Variants in DPH5 observed in about 807,000 individuals in gnomAD.
The protein encoded by DPH5 is diphthamide biosynthesis 5.
DPH5 carries 31 observed loss-of-function variants against 31.6 expected under a neutral mutation model. That is an observed-to-expected ratio of 0.98 (90% confidence interval 0.74 to 1.32). DPH5 has a LOEUF of 1.32. Ranked by LOEUF, DPH5 falls within the 40% of genes most tolerant of loss-of-function variation. The pLI, the probability that DPH5 is intolerant of heterozygous loss-of-function variation, is 0.00. For missense variants in DPH5, 309 were observed against 335.7 expected (o/e 0.92, Z 0.62); for synonymous variants, 120 against 115.0 (o/e 1.04, Z -0.28).
chr1:101,014,184 A>G (rs1042170810), intron 3 of DPH5, among the ~76,000 whole-genome samples: 4 of 152,220 alleles, frequency 2.6e-5, no homozygotes, highest in Non-Finnish European at 4.4e-5. Flanking sequence ...GCCCTTTTAA[A>G]TTCTTAAAAT....
chr1:101,001,559 A>G lies in DPH5; in HGVS notation c.398T>C (p.Ile133Thr). ...TCTCCAAGTGTCTGTCCAAAAAACA[A>G]TAGAAACTGTCTCTCCAAACTTATA... ...QLYKFGETVS[I>T]VFWTDTWRPE... The change falls in exon 5 of 8, where the codon ATT becomes ACT. Residue 133 changes from isoleucine to threonine, a missense_variant. By Grantham distance (89) the Ile-to-Thr change is moderately conservative. Coordinates refer to ENST00000370109, the MANE Select transcript of DPH5 (RefSeq NM_015958.3). The G allele has an allele frequency of 6.2e-7, 1 of 1,602,274 alleles. No individual in the cohort carries two copies. The highest frequency in any genetic ancestry group is 8.5e-7 in the Non-Finnish European group (1 of 1,169,756).
At position 100,990,298 on chromosome 1, in the gene DPH5, G is replaced by A. The variant is rs1657547485; in HGVS notation, c.*110C>T. 7.1e-6 allele frequency: 7 copies of A among 992,708 alleles called. No individual in the cohort carries two copies. The South Asian group carries it at 8.9e-5, about 13-fold the overall frequency. 61.5% of individuals were successfully genotyped at this position (992,708 alleles called of 1,614,324 possible). On this transcript the variant is annotated 3_prime_UTR_variant, in exon 8 of 8. Transcript: ENST00000370109. ...GATTCAATTACCTACCACAACACCTGGGAATTATGAGGATTAAAATTCAAG... is the reference window on the plus strand; with the variant it reads ...GATTCAATTACCTACCACAACACCTAGGAATTATGAGGATTAAAATTCAAG...
intron 4 of DPH5, among the ~76,000 whole-genome samples, chr1:101,008,991 C>G (rs1329193610): frequency 1.3e-5 from 2 of 152,166 alleles, no homozygotes; most frequent in African/African-American, 4.8e-5. Flanking sequence ...CCATTAATTA[C>G]TTTCTGTCTC....
chr1:101,007,164 T>C (rs978608794), intron 4 of DPH5, among the ~76,000 whole-genome samples: 1 of 152,206 alleles, frequency 6.6e-6, no homozygotes, highest in Non-Finnish European at 1.5e-5. Context: ...AATATACACA[T>C]ACTAAGTGTT....
At chr1:100,995,746 C>T (rs375339815) in intron 5 of DPH5, 1 of 152,322 alleles carries the variant, frequency 6.6e-6, no homozygotes, top group South Asian at 2.1e-4. Flanking sequence ...CCAAGCATCA[C>T]AAATATTTGA....
At chr1:101,007,272 A>G (rs1177831689) in intron 4 of DPH5, among the ~76,000 whole-genome samples, 1 of 152,218 alleles carries the variant, frequency 6.6e-6, no homozygotes, top group Non-Finnish European at 1.5e-5. Flanking sequence ...TACTCAATAT[A>G]TCTTCCTAAT....
intron 3 of DPH5, among the ~76,000 whole-genome samples, chr1:101,019,176 C>T (rs1660285180): frequency 6.6e-6 from 1 of 152,184 alleles, no homozygotes; most frequent in Non-Finnish European, 1.5e-5. Flanking sequence ...TTGAGACTGT[C>T]AACTCTCACA....
rs748392723 is a variant in DPH5 at position 100,995,159 on chromosome 1, G to A, written c.491-10C>T. 44 of 1,548,990 alleles carry A rather than the reference G, an allele frequency of 2.8e-5. No homozygotes were observed. The highest frequency in any genetic ancestry group is 5.3e-6 in the Non-Finnish European group (6 of 1,123,142). On this transcript the variant is annotated splice_polypyrimidine_tract_variant and intron_variant, in intron 5 of 7. Transcript: ENST00000370109. ...TCCTTTACTTTGATGTCTGTAGGAA[G>A]TAAAAATAGTTCTTTTAATTTAATT...
intron 3 of DPH5, among the ~76,000 whole-genome samples, chr1:101,020,187 C>T (rs1184454697): frequency 6.6e-6 from 1 of 152,144 alleles, no homozygotes; most frequent in Non-Finnish European, 1.5e-5. Flanking sequence ...TTCTACCTTT[C>T]TCCTGGCCCA....
intron 4 of DPH5, 33 bp downstream of exon 4, chr1:101,013,677 A>G (rs1659857227): frequency 1.5e-6 from 2 of 1,332,092 alleles, no homozygotes. Context: ...ATTTTTATTT[A>G]ATTCCACTGA....
intron 4 of DPH5, among the ~76,000 whole-genome samples, chr1:101,010,396 A>T (rs980949710): frequency 6.6e-6 from 1 of 152,192 alleles, no homozygotes; most frequent in Non-Finnish European, 1.5e-5. Flanking sequence ...GGAGTGTTAG[A>T]TAGTTATACA....
At chr1:100,994,304 TATC>T (rs1658129809) in intron 6 of DPH5, among the ~76,000 whole-genome samples, 1 of 152,128 alleles carries the variant, frequency 6.6e-6, no homozygotes. Context: ...AATAACAGAG[TATC>T]ATTTTTTAAT....
At chr1:100,994,692 A>G (rs1029453240) in intron 6 of DPH5, among the ~76,000 whole-genome samples, 1 of 152,058 alleles carries the variant, frequency 6.6e-6, no homozygotes, top group African/African-American at 2.4e-5. Flanking sequence ...ACACCCAGCT[A>G]ATTTTTCCAT....
intron 3 of DPH5, among the ~76,000 whole-genome samples, chr1:101,015,906 G>A (rs1018701652): frequency 9.2e-5 from 14 of 152,150 alleles, no homozygotes; most frequent in South Asian, 2.1e-4. Flanking sequence ...AAGAGAGTTC[G>A]AGCCTTGCCC....
At chr1:100,993,531 G>A (rs1426990422) in intron 6 of DPH5, among the ~76,000 whole-genome samples, 2 of 134,144 alleles carry the variant, frequency 1.5e-5, no homozygotes, top group South Asian at 2.4e-4. Context: ...CAGCCTGGGC[G>A]ACAGAGCAAG....
chr1:101,023,025 C>T (rs1242095933), intron 2 of DPH5: 1 of 151,380 alleles, frequency 6.6e-6, no homozygotes, highest in Non-Finnish European at 1.5e-5. Context: ...GAAATCTCAT[C>T]CTACTAAAAA....
intron 6 of DPH5, among the ~76,000 whole-genome samples, chr1:100,993,596 A>G (rs1271979617): frequency 7.7e-6 from 1 of 129,762 alleles, no homozygotes; most frequent in Non-Finnish European, 1.6e-5. Flanking sequence ...ATATATATAT[A>G]TAGCTATTGT....
chr1:100,990,369 T>C lies in DPH5; in HGVS notation c.*39A>G, dbSNP rs1558028441. ...CATCCAAACCATATCAATCCATATA[T>C]GGCTGAAATTTACATCAGACAATGG... On this transcript the variant is annotated 3_prime_UTR_variant, in exon 8 of 8. Coordinates refer to ENST00000370109, the MANE Select transcript of DPH5 (RefSeq NM_015958.3). 1.3e-6 allele frequency: 2 copies of C among 1,587,232 alleles called. No individual in the cohort carries two copies. The highest frequency in any genetic ancestry group is 1.7e-6 in the Non-Finnish European group (2 of 1,156,814).
In DPH5 at chr1:101,025,304, C is replaced by A; in HGVS notation, c.135+5G>T. The A allele has an allele frequency of 6.2e-7, 1 of 1,613,870 alleles. No homozygotes were observed. ...CCAGGAGGCTGGGGAACGCTCAGCA[C>A]CTACCAAGGCTTCCTTCCCTACAGT... On this transcript the variant is annotated splice_donor_5th_base_variant and intron_variant, in intron 2 of 7. Coordinates refer to ENST00000370109, the MANE Select transcript of DPH5 (RefSeq NM_015958.3).
Sources: allele counts gnomAD v4.1 joint callset (sites outside exome capture counted in the v4.1 genomes callset), GRCh38; gene constraint gnomAD v4.1.1; transcripts MANE v1.5; gene names NCBI Gene and HGNC (gene_info 2026-07-23, HGNC 2026-07-21).